Variants in DSCAM observed in about 807,000 individuals in gnomAD.
The protein encoded by DSCAM is cell adhesion molecule DSCAM.
DSCAM carries 47 observed loss-of-function variants against 217.7 expected under a neutral mutation model. The ratio of observed to expected loss-of-function variants is 0.22; its 90% CI spans 0.17 to 0.28. DSCAM has a LOEUF of 0.28. Ranked by LOEUF, DSCAM falls within the 10% of genes least tolerant of loss-of-function variation. The pLI is 1.00. For missense variants in DSCAM, 2,080 were observed against 2,618.3 expected (o/e 0.79, Z 4.49); for synonymous variants, 1,056 against 1,015.3 (o/e 1.04, Z -0.76).
intron 3 of DSCAM, among the ~76,000 whole-genome samples, chr21:40,392,377 A>C (rs1049235647): frequency 2.0e-5 from 3 of 152,184 alleles, no homozygotes; most frequent in African/African-American, 7.2e-5. Context: ...TCAGAGGTTC[A>C]TCTATAGGCC....
At chr21:40,272,125 T>C (rs2073626096) in intron 11 of DSCAM, among the ~76,000 whole-genome samples, 1 of 151,956 alleles carries the variant, frequency 6.6e-6, no homozygotes, top group African/African-American at 2.4e-5. Flanking sequence ...AAACAGTTCC[T>C]GGTTGGGGGA....
chr21:40,327,278 C>G (rs980127512), intron 8 of DSCAM, among the ~76,000 whole-genome samples: 8 of 152,126 alleles, frequency 5.3e-5, no homozygotes, highest in African/African-American at 1.9e-4. Flanking sequence ...CTTATCTCTA[C>G]ATAATTCTCT....
chr21:40,780,411 G>GTATATATATATATATATATATATA (rs749398798), intron 1 of DSCAM, among the ~76,000 whole-genome samples: 2 of 88,510 alleles, frequency 2.3e-5, no homozygotes, highest in Non-Finnish European at 5.0e-5. Context: ...GTGTGTGTGT[G>GTATATATATATATATATATATATA]TGTGTGTGTG....
chr21:40,561,904 T>C (rs918879888), intron 3 of DSCAM, among the ~76,000 whole-genome samples: 3 of 152,198 alleles, frequency 2.0e-5, no homozygotes, highest in African/African-American at 7.2e-5. Flanking sequence ...TAAAATAACA[T>C]CTGGGCATAC....
rs547222867 is a variant in DSCAM at position 40,432,146 on chromosome 21, G to A, written c.509-62901C>T. Reference sequence around the variant, plus strand: ...TGAACCCAGGAGGTTGCAGTGAGCCGAGATCGTGCCATTGCACTTCAGTCC... The same window carrying A: ...TGAACCCAGGAGGTTGCAGTGAGCCAAGATCGTGCCATTGCACTTCAGTCC... On this transcript the variant is annotated intron_variant, in intron 3 of 32. Coordinates refer to ENST00000400454, the MANE Select transcript of DSCAM (RefSeq NM_001389.5). Among the ~76,000 whole-genome samples, 20 of 152,162 alleles carry A rather than the reference G, an allele frequency of 1.3e-4. No individual in the cohort carries two copies. In the East Asian group the frequency reaches 1.5e-3, roughly 12 times the overall value.
intron 15 of DSCAM, among the ~76,000 whole-genome samples, chr21:40,168,037 G>T (rs547904516): frequency 6.6e-6 from 1 of 152,260 alleles, no homozygotes; most frequent in African/African-American, 2.4e-5. Context: ...CTCCAGCCTG[G>T]GCGACAGAGT....
intron 3 of DSCAM, among the ~76,000 whole-genome samples, chr21:40,480,331 T>A (rs2075971464): frequency 6.6e-6 from 1 of 152,102 alleles, no homozygotes; most frequent in South Asian, 2.1e-4. Flanking sequence ...TCCCAAAGCC[T>A]TTTAGGGAAG....
At chr21:40,091,177 A>T (rs912317274) in intron 21 of DSCAM, among the ~76,000 whole-genome samples, 1 of 152,180 alleles carries the variant, frequency 6.6e-6, no homozygotes, top group Non-Finnish European at 1.5e-5. Flanking sequence ...GTAAATCTAA[A>T]ACTGTTCTAA....
intron 11 of DSCAM, among the ~76,000 whole-genome samples, chr21:40,237,476 G>C (rs900072936): frequency 6.6e-6 from 1 of 152,146 alleles, no homozygotes; most frequent in Non-Finnish European, 1.5e-5. Context: ...TTGGTTTTCT[G>C]TTCTTGTGTT....
chr21:40,432,211 A>AAAAAAAAAAAATAAAT, intron 3 of DSCAM, among the ~76,000 whole-genome samples: 1 of 46,836 alleles, frequency 2.1e-5, no homozygotes, highest in South Asian at 5.9e-4. Context: ...ATAATAATAA[A>AAAAAAAAAAAATAAAT]AAATAAATAT....
At chr21:40,020,083 G>C (rs1285337607) in intron 32 of DSCAM, among the ~76,000 whole-genome samples, 1 of 152,108 alleles carries the variant, frequency 6.6e-6, no homozygotes, top group African/African-American at 2.4e-5. Context: ...GTTGTAGGAG[G>C]GACCCAGTGG....
At chr21:40,451,342 T>A (rs2075717829) in intron 3 of DSCAM, among the ~76,000 whole-genome samples, 1 of 152,198 alleles carries the variant, frequency 6.6e-6, no homozygotes, top group South Asian at 2.1e-4. Flanking sequence ...TCCCTTCTTT[T>A]TGAATGAAAC....
intron 1 of DSCAM, among the ~76,000 whole-genome samples, chr21:40,805,896 G>A (rs151318229): frequency 0.018 from 2,678 of 152,032 alleles, 45 homozygotes; most frequent in Non-Finnish European, 0.031. Flanking sequence ...TTTTAGTAGA[G>A]ACAGGGTTTC....
At chr21:40,640,429 G>C (rs1386154765) in intron 3 of DSCAM, among the ~76,000 whole-genome samples, 1 of 152,212 alleles carries the variant, frequency 6.6e-6, no homozygotes, top group Non-Finnish European at 1.5e-5. Context: ...CTGATCCGCA[G>C]CTTCCTGTAA....
In DSCAM at chr21:40,686,857, G is replaced by C. The variant is rs540431357; in HGVS notation, c.508+5953C>G. On this transcript the variant is annotated intron_variant, in intron 3 of 32. Transcript: ENST00000400454. ...TTTTAATTACTTTCAGGTGGCAGCG[G>C]GGTAACATGCAAAACCTAATTTAGT... is the stretch of plus-strand genomic sequence containing the variant. Among the ~76,000 whole-genome samples the C allele has an allele frequency of 1.2e-4, 18 of 152,232 alleles. No homozygotes were observed. The East Asian group carries it at 3.5e-3, about 29-fold the overall frequency.
At chr21:40,601,443 A>T (rs1465860450) in intron 3 of DSCAM, among the ~76,000 whole-genome samples, 3 of 152,174 alleles carry the variant, frequency 2.0e-5, no homozygotes, top group African/African-American at 7.2e-5. Flanking sequence ...ATAGACTACC[A>T]TGTCATCTGT....
intron 1 of DSCAM, among the ~76,000 whole-genome samples, chr21:40,775,013 C>T (rs892505768): frequency 3.3e-5 from 5 of 151,726 alleles, no homozygotes; most frequent in African/African-American, 1.2e-4. Flanking sequence ...TAATTTTGCT[C>T]ATTTTCAAAC....
intron 1 of DSCAM, among the ~76,000 whole-genome samples, chr21:40,819,064 G>A (rs2091906540): frequency 6.6e-6 from 1 of 152,194 alleles, no homozygotes; most frequent in Non-Finnish European, 1.5e-5. Context: ...CACTGACTGA[G>A]CACCTAAGGT....
chr21:40,407,418 C>T (rs1261232573), intron 3 of DSCAM, among the ~76,000 whole-genome samples: 1 of 152,312 alleles, frequency 6.6e-6, no homozygotes, highest in Middle Eastern at 3.4e-3. Flanking sequence ...TCTTCCTGCC[C>T]CTTAAATCTG....
Sources: allele counts gnomAD v4.1 joint callset (sites outside exome capture counted in the v4.1 genomes callset), GRCh38; gene constraint gnomAD v4.1.1; transcripts MANE v1.5; gene names NCBI Gene and HGNC (gene_info 2026-07-23, HGNC 2026-07-21).